The following SETX variants were observed in gnomAD, a reference collection of about 807,000 sequenced individuals.
The protein encoded by SETX is helicase senataxin.
A neutral mutation model predicts 227.2 loss-of-function variants in SETX; 90 were observed. The ratio of observed to expected loss-of-function variants is 0.40; its 90% confidence interval spans 0.33 to 0.47. The LOEUF is 0.47. Among genes scored for constraint, SETX ranks in the 20% least tolerant of loss-of-function variants. The pLI is 0.91. For synonymous variants in SETX, 1,210 were observed against 1,113.2 expected (o/e 1.09, Z -1.73); for missense variants, 3,052 against 3,181.5 (o/e 0.96, Z 0.98).
chr9:132,294,479 GA>G (rs1844545268), intron 15 of SETX, among the ~76,000 whole-genome samples: 1 of 152,168 alleles, frequency 6.6e-6, no homozygotes, highest in Non-Finnish European at 1.5e-5. Flanking sequence ...AAGGCAAGTG[GA>G]AAAAAGTAAA....
At chr9:132,353,321 C>A (rs926482168) in intron 2 of SETX, among the ~76,000 whole-genome samples, 1 of 152,158 alleles carries the variant, frequency 6.6e-6, no homozygotes, top group African/African-American at 2.4e-5. Context: ...AACCCACCCT[C>A]CTACCTCTGC....
intron 15 of SETX, among the ~76,000 whole-genome samples, chr9:132,295,503 T>C (rs903168184): frequency 2.0e-5 from 3 of 152,226 alleles, no homozygotes; most frequent in Admixed American, 6.5e-5. Context: ...CCTAACCCTC[T>C]ACTGCCTGTG....
intron 20 of SETX, 48 bp from the exon 21 acceptor site, chr9:132,278,305 C>G (rs769384082): frequency 7.0e-6 from 11 of 1,580,294 alleles, no homozygotes; most frequent in Non-Finnish European, 9.6e-6. Flanking sequence ...TCATTTATAT[C>G]TTTCCCACTA....
rs538240743 is a variant in SETX, at chr9:132,351,445, G to T, written c.-7-2010C>A. 8.5e-5 allele frequency among the ~76,000 whole-genome samples: 13 copies of T among 152,300 alleles called. No individual in the cohort carries two copies. In the South Asian group the frequency reaches 1.4e-3, roughly 17 times the overall value. On this transcript the variant is annotated intron_variant, in intron 2 of 25. Coordinates refer to ENST00000224140, the MANE Select transcript of SETX (RefSeq NM_015046.7). ...TTCTATTAAGAAAATTACAGAATTT[G>T]CTTTTTATTTCACTTAGAAAACTAG...
At chr9:132,303,119 G>A (rs1845111394) in intron 11 of SETX, among the ~76,000 whole-genome samples, 1 of 152,024 alleles carries the variant, frequency 6.6e-6, no homozygotes, top group Non-Finnish European at 1.5e-5. Context: ...TTGGGCTCAA[G>A]AAATCCTCCT....
Position 132,349,437 on chromosome 9 carries a change from T to C in SETX, c.-7-2A>G. 2 of 1,614,118 alleles carry C rather than the reference T, an allele frequency of 1.2e-6. No individual in the cohort carries two copies. The highest frequency in any genetic ancestry group is 1.7e-6 in the Non-Finnish European group (2 of 1,180,018). ...CAACAACATGTGCTCATTCTGTACC[T>C]ACAGCCAGAAAAGATGACATCAAGA... On this transcript the variant is annotated splice_acceptor_variant, in intron 2 of 25. Coordinates refer to ENST00000224140, the MANE Select transcript of SETX (RefSeq NM_015046.7). LOFTEE classifies it low-confidence loss of function (5UTR_SPLICE).
upstream of SETX, among the ~76,000 whole-genome samples, chr9:132,355,510 G>A (rs1848863883): frequency 6.6e-6 from 1 of 152,250 alleles, no homozygotes; most frequent in Admixed American, 6.5e-5. Flanking sequence ...GGAGACCTTA[G>A]GTCTTGCGAA....
At chr9:132,278,432 T>C (rs1387709681) in intron 20 of SETX, among the ~76,000 whole-genome samples, 175 bp from the exon 21 acceptor site, 1 of 137,610 alleles carries the variant, frequency 7.3e-6, no homozygotes, top group Non-Finnish European at 1.6e-5. Context: ...CAAAATGCCA[T>C]GAATCTTTTT....
intron 6 of SETX, 104 bp from the exon 7 acceptor site, chr9:132,334,831 G>A: frequency 7.9e-7 from 1 of 1,261,124 alleles, no homozygotes. Flanking sequence ...AAGCAAGATA[G>A]TATTTAGTTT....
chr9:132,326,379 T>C lies in SETX; in HGVS notation c.5219A>G (p.Tyr1740Cys). ...SRPVPVRFHN[Y>C]GDYFNVFFPL... The stretch of plus-strand genomic sequence containing the variant: ...GAAAAAAACATTAAAATAATCTCCA[T>C]AATTGTGAAATCTGACAGGCACAGG... The change falls in exon 10 of 26, where the codon TAT becomes TGT. Residue 1740 changes from tyrosine to cysteine, a missense_variant. Physicochemically the swap from Tyr to Cys is radical, Grantham distance 194. This residue lies in a region of SETX where 239 missense variants were observed against 272.1 expected (regional missense o/e 0.88). Coordinates refer to ENST00000224140, the MANE Select transcript of SETX (RefSeq NM_015046.7). The C allele has an allele frequency of 6.2e-7, 1 of 1,613,988 alleles. No individual in the cohort carries two copies.
chr9:132,277,701 T>C (rs949733927), intron 21 of SETX, among the ~76,000 whole-genome samples: 3 of 150,720 alleles, frequency 2.0e-5, no homozygotes, highest in Admixed American at 6.7e-5. Context: ...GGTGGATTGA[T>C]TGAGCCTGGG....
In SETX at chr9:132,330,121, C is replaced by T. The variant is rs1322055704; in HGVS notation, c.1477G>A (p.Ala493Thr). 6.2e-7 allele frequency: 1 copy of T among 1,613,314 alleles called. No homozygotes were observed. Among genetic ancestry groups the T allele is most frequent in the Non-Finnish European group, 8.5e-7 (1 of 1,179,424 alleles). ...QQWVEAVVKC[A>T]KLPTTAFTRS... ...GTAAACGCAGTGGTAGGAAGCTTGGCACATTTGACGACGGCTTCCACCCAT... is the reference window on the plus strand; with the variant it reads ...GTAAACGCAGTGGTAGGAAGCTTGGTACATTTGACGACGGCTTCCACCCAT... Residue 493 changes from alanine (A) to threonine (T), a missense_variant, in exon 10 of 26, where the codon GCC (alanine) becomes ACC (threonine). Physicochemically the swap from Ala to Thr is moderately conservative, Grantham distance 58 (BLOSUM62 0). Coordinates refer to ENST00000224140, the MANE Select transcript of SETX (RefSeq NM_015046.7).
At chr9:132,268,432 C>T (rs1158277955) in intron 25 of SETX, among the ~76,000 whole-genome samples, 3 of 152,168 alleles carry the variant, frequency 2.0e-5, no homozygotes, top group African/African-American at 7.2e-5. Flanking sequence ...ATCCAGGAGG[C>T]GGAGGCTGCA....
In SETX at chr9:132,288,565, C is replaced by G. The variant is rs755531730; in HGVS notation, c.6193G>C (p.Val2065Leu). The G allele has an allele frequency of 6.2e-6, 10 of 1,612,958 alleles. No homozygotes were observed. Among genetic ancestry groups the G allele is most frequent in the Non-Finnish European group, 8.5e-6 (10 of 1,179,184 alleles). ...EVLKFSLDSQ[V>L]NHRMKKELPS... ...CAGTACTTACTCATTCTGTGGTTTA[C>G]TTGGCTGTCCAAACTGAACTTTAGA... is the stretch of plus-strand genomic sequence containing the variant. The change falls in exon 16 of 26, where the codon GTA becomes CTA. Residue 2065 changes from valine (V) to leucine (L), a missense_variant. Physicochemically the swap from Val to Leu is conservative, Grantham distance 32. Coordinates refer to ENST00000224140, the MANE Select transcript of SETX (RefSeq NM_015046.7).
chr9:132,342,804 AAAG>A lies in SETX; in HGVS notation c.389-8_389-6del, dbSNP rs781405548. ...GTGCTTCAACACATAACTCGTCTAA[AAAG>A]AAAAAAATAAGTAAAATACATAAAT... On this transcript the variant is annotated splice_polypyrimidine_tract_variant and splice_region_variant and intron_variant, in intron 4 of 25. Coordinates refer to ENST00000224140, the MANE Select transcript of SETX (RefSeq NM_015046.7). The A allele has an allele frequency of 1.9e-6, 3 of 1,602,244 alleles. No homozygotes were observed. Among genetic ancestry groups the A allele is most frequent in the Admixed American group, 3.3e-5 (2 of 60,008 alleles).
chr9:132,291,193 G>T, intron 15 of SETX, among the ~76,000 whole-genome samples: 1 of 121,066 alleles, frequency 8.3e-6, no homozygotes. Context: ...TTGAGACGGA[G>T]TCTTGCTCTG....
intron 23 of SETX, 66 bp from the exon 24 acceptor site, chr9:132,271,874 A>G (rs1842920662): frequency 6.9e-7 from 1 of 1,455,660 alleles, no homozygotes; most frequent in Admixed American, 1.7e-5. Flanking sequence ...ACATATTTAT[A>G]AACTAGTTTT....
At chr9:132,280,224 G>C (rs139326122) in intron 20 of SETX, among the ~76,000 whole-genome samples, 1 of 152,110 alleles carries the variant, frequency 6.6e-6, no homozygotes, top group African/African-American at 2.4e-5. Context: ...AATGAACTTT[G>C]TAATTATTTT....
chr9:132,338,936 A>T (rs508021), intron 5 of SETX, among the ~76,000 whole-genome samples: 114,971 of 150,744 alleles, frequency 0.76, 45,063 homozygotes, highest in Non-Finnish European at 0.85. Context: ...TAAAAAAAAA[A>T]TTTTTTTGTA....
Sources: allele counts gnomAD v4.1 joint callset (sites outside exome capture counted in the v4.1 genomes callset), GRCh38; gene constraint gnomAD v4.1.1; regional missense constraint gnomAD v4.1.1; transcripts MANE v1.5; gene names NCBI Gene and HGNC (gene_info 2026-07-23, HGNC 2026-07-21).